Variants in PHACTR2 observed in about 807,000 individuals in gnomAD.
PHACTR2 encodes the protein chromosome 6 open reading frame 56.
A neutral mutation model predicts 76.0 loss-of-function variants in PHACTR2; 30 were observed. The observed-to-expected ratio is 0.39, with a 90% CI of 0.30 to 0.54. The LOEUF is 0.54. Ranked by LOEUF, PHACTR2 falls within the 20% of genes least tolerant of loss-of-function variation. The pLI is 0.61. For missense variants in PHACTR2, 696 were observed against 781.1 expected (o/e 0.89, Z 1.30); for synonymous variants, 292 against 292.5 (o/e 1.00, Z 0.02).
intron 1 of PHACTR2, among the ~76,000 whole-genome samples, chr6:143,693,685 C>T (rs995024191): frequency 1.3e-5 from 2 of 152,094 alleles, no homozygotes; most frequent in Non-Finnish European, 2.9e-5. Flanking sequence ...ATTTCTTAAC[C>T]AATTAAGGCC....
rs79260028 is a variant in PHACTR2, at chr6:143,823,621, A to T, written c.1923-53A>T. 8,306 of 1,489,378 alleles carry T rather than the reference A, an allele frequency of 5.6e-3. 389 individuals carry two copies. In the African/African-American group the frequency reaches 0.1, roughly 18 times the overall value. The allele number at this position is 1,489,378 out of a possible 1,614,324, so 92.3% of individuals were successfully genotyped here. ...GACCACGCCTTATTCAGCTCACTGC[A>T]TGCAGAATGTGCTCCTAGGCCACAG... On this transcript the variant is annotated intron_variant, in intron 12 of 12. Transcript: ENST00000440869. This position sits in a 1 kb window ranked among gnomAD's most constrained non-coding sequence, Gnocchi z 5.7.
intron 1 of PHACTR2, among the ~76,000 whole-genome samples, chr6:143,657,959 G>T (rs1276095063): frequency 6.6e-6 from 1 of 152,106 alleles, no homozygotes; most frequent in Non-Finnish European, 1.5e-5. Context: ...TCTGAGGGGG[G>T]GTCCAGGCAG....
intron 1 of PHACTR2, among the ~76,000 whole-genome samples, chr6:143,632,718 A>G (rs1418881785): frequency 6.6e-6 from 1 of 152,214 alleles, no homozygotes; most frequent in Non-Finnish European, 1.5e-5. Flanking sequence ...AGTTATATAC[A>G]GTAGTTTTTC....
rs540069740 is a variant in PHACTR2, at chr6:143,830,233, C to T, written c.*6544C>T. ...TGTGCCAGTGTGTTCAAAACATTTA[C>T]ACCAATTTCACCAGATTTAGGACCT... On this transcript the variant is annotated 3_prime_UTR_variant, in exon 13 of 13. Transcript: ENST00000440869. The T allele has an allele frequency of 1.3e-5, 2 of 151,304 alleles. No homozygotes were observed. Among genetic ancestry groups the T allele is most frequent in the South Asian group, 4.2e-4 (2 of 4,768 alleles). 9.4% of individuals were successfully genotyped at this position (151,304 alleles called of 1,614,324 possible).
intron 1 of PHACTR2, among the ~76,000 whole-genome samples, chr6:143,694,966 C>T (rs996009955): frequency 6.6e-6 from 1 of 152,220 alleles, no homozygotes; most frequent in Admixed American, 6.5e-5. Context: ...CCCACCTCCT[C>T]TAGGTTCAAA....
In PHACTR2 at chr6:143,570,957, G is replaced by C. The variant is rs1044260626; in HGVS notation, c.217+33750G>C. ...TCAAATGCCCCTGAGACTCGAAGAC[G>C]CAAATTATATTCCTATTTTTCATGA... is the stretch of plus-strand genomic sequence containing the variant. On this transcript the variant is annotated intron_variant, in intron 1 of 11. Coordinates refer to the PHACTR2 transcript ENST00000367584. This position sits in a 1 kb window ranked among gnomAD's most constrained non-coding sequence, Gnocchi z 4.6. Among the ~76,000 whole-genome samples the C allele has an allele frequency of 2.0e-5, 3 of 152,078 alleles. No individual in the cohort carries two copies. The highest frequency in any genetic ancestry group is 7.2e-5 in the African/African-American group (3 of 41,408).
chr6:143,585,113 C>A lies in PHACTR2; in HGVS notation c.217+47906C>A, dbSNP rs1775613561. 6.6e-6 allele frequency among the ~76,000 whole-genome samples: 1 copy of A among 152,036 alleles called. No homozygotes were observed. The highest frequency in any genetic ancestry group is 2.1e-4 in the South Asian group (1 of 4,824). On this transcript the variant is annotated intron_variant, in intron 1 of 11. Coordinates refer to the PHACTR2 transcript ENST00000367584. The surrounding 1 kb of genome is among the most constrained non-coding windows in gnomAD (Gnocchi z 5.2). ...GAGTTGTTGACGGGCAGGACCAAGG[C>A]CTGGCAGTAGACCCGTACACCAAGG...
At position 143,537,120 on chromosome 6, in the gene PHACTR2, G is replaced by C; in HGVS notation, c.130G>C (p.Asp44His). 1 of 306,832 alleles carries C rather than the reference G, an allele frequency of 3.3e-6. No individual in the cohort carries two copies. Among genetic ancestry groups the C allele is most frequent in the Non-Finnish European group, 6.4e-6 (1 of 157,246 alleles). 19.0% of individuals were successfully genotyped at this position (306,832 alleles called of 1,614,324 possible). The change falls in exon 1 of 12, where the codon GAC becomes CAC. Residue 44 changes from aspartate to histidine, a missense_variant. By Grantham distance (81) the Asp-to-His change is moderately conservative. Coordinates refer to the PHACTR2 transcript ENST00000367584. This position sits in a 1 kb window ranked among gnomAD's most constrained non-coding sequence, Gnocchi z 4.4. ...GCCTGCCCTGCGCTGGCTTCCCGGGGACCCGAGCCCCCGCGGCCGCTCACA... is the reference window on the plus strand; with the variant it reads ...GCCTGCCCTGCGCTGGCTTCCCGGGCACCCGAGCCCCCGCGGCCGCTCACA...
intron 2 of PHACTR2, among the ~76,000 whole-genome samples, chr6:143,748,458 G>T (rs987732937): frequency 2.0e-5 from 3 of 152,196 alleles, no homozygotes; most frequent in East Asian, 1.9e-4. Context: ...TAGTGAGAAC[G>T]CAGGGGAAAG....
intron 1 of PHACTR2, among the ~76,000 whole-genome samples, chr6:143,579,886 C>A (rs1019461633): frequency 2.6e-5 from 4 of 152,168 alleles, no homozygotes; most frequent in African/African-American, 9.7e-5. Context: ...AAGGTATGCG[C>A]CAGGGCTGCA....
Position 143,646,126 on chromosome 6 carries a change from A to G in PHACTR2, c.13+37804A>G, listed in dbSNP as rs1375910755. 1.3e-5 allele frequency among the ~76,000 whole-genome samples: 2 copies of G among 152,182 alleles called. No individual in the cohort carries two copies. The highest frequency in any genetic ancestry group is 2.9e-5 in the Non-Finnish European group (2 of 68,018). ...AAAATGTATATTCTCCAGTCCTTAA[A>G]CAGGCATTCAATGAGCATCTCTTAT... On this transcript the variant is annotated intron_variant, in intron 1 of 11. Coordinates refer to the PHACTR2 transcript ENST00000305766. The surrounding 1 kb of genome is among the most constrained non-coding windows in gnomAD (Gnocchi z 4.1).
chr6:143,588,053 T>TAAAAG (rs1775648878), intron 1 of PHACTR2, among the ~76,000 whole-genome samples: 4 of 151,702 alleles, frequency 2.6e-5, no homozygotes, highest in African/African-American at 7.3e-5. Context: ...TAAAATAAAA[T>TAAAAG]ACTAGTCTAA....
intron 11 of PHACTR2, among the ~76,000 whole-genome samples, chr6:143,802,315 C>G (rs923383859): frequency 1.3e-5 from 2 of 152,014 alleles, no homozygotes; most frequent in African/African-American, 4.8e-5. Flanking sequence ...TAACCTCAGC[C>G]CAGCTCTTTC....
chr6:143,665,012 C>G (rs1777009316), intron 1 of PHACTR2, among the ~76,000 whole-genome samples: 1 of 152,088 alleles, frequency 6.6e-6, no homozygotes, highest in Non-Finnish European at 1.5e-5. Flanking sequence ...GTTGGCCAAG[C>G]TGGTCTGAAC....
At chr6:143,564,164 T>C (rs1244762795) in intron 1 of PHACTR2, among the ~76,000 whole-genome samples, 4 of 114,976 alleles carry the variant, frequency 3.5e-5, no homozygotes, top group African/African-American at 1.3e-4. Flanking sequence ...TATGTGTGTG[T>C]GCATATATGT....
In PHACTR2 at chr6:143,757,963, G is replaced by GCA. The variant is rs1184706755; in HGVS notation, c.455-2413_455-2412dup. On this transcript the variant is annotated intron_variant, in intron 4 of 12. Transcript: ENST00000440869. This position sits in a 1 kb window ranked among gnomAD's most constrained non-coding sequence, Gnocchi z 4.2. Reference sequence around the variant, plus strand: ...CGTGTGTGTGCATGCACACGTGCGCGCACACACACACACACACACACACAC... The same window carrying GCA: ...CGTGTGTGTGCATGCACACGTGCGCGCACACACACACACACACACACACACAC... Among the ~76,000 whole-genome samples, 1,468 of 131,610 alleles carry GCA rather than the reference G, an allele frequency of 0.011. 17 individuals carry two copies. Among genetic ancestry groups the GCA allele is most frequent in the South Asian group, 0.035 (150 of 4,302 alleles). 86.3% of individuals were successfully genotyped at this position (131,610 alleles called of 152,430 possible).
intron 1 of PHACTR2, among the ~76,000 whole-genome samples, chr6:143,590,990 T>C (rs1775684004): frequency 6.6e-6 from 1 of 152,218 alleles, no homozygotes; most frequent in African/African-American, 2.4e-5. Context: ...ACTCGACGTG[T>C]ATATCCTACC....
At chr6:143,786,598 C>T (rs1459628864) in intron 10 of PHACTR2, among the ~76,000 whole-genome samples, 2 of 152,160 alleles carry the variant, frequency 1.3e-5, no homozygotes, top group African/African-American at 4.8e-5. Flanking sequence ...AAGGCATACC[C>T]TAGACTGGGA....
Position 143,793,316 on chromosome 6 carries a change from T to A in PHACTR2, c.1845+4406T>A, listed in dbSNP as rs1266316554. ...ACAAAAATGGGATTTTGTTCTGGAC[T>A]TCTAGGTTGCAGGGGAAAGGTACAT... On this transcript the variant is annotated intron_variant, in intron 11 of 12. Transcript: ENST00000440869. This position sits in a 1 kb window ranked among gnomAD's most constrained non-coding sequence, Gnocchi z 4.4. Among the ~76,000 whole-genome samples the A allele has an allele frequency of 4.6e-5, 7 of 152,134 alleles. No homozygotes were observed. The highest frequency in any genetic ancestry group is 2.9e-5 in the Non-Finnish European group (2 of 68,036).
Sources: allele counts gnomAD v4.1 joint callset (sites outside exome capture counted in the v4.1 genomes callset), GRCh38; gene constraint gnomAD v4.1.1; non-coding constraint Gnocchi (gnomAD v3.1); transcripts MANE v1.5; gene names NCBI Gene and HGNC (gene_info 2026-07-23, HGNC 2026-07-21).